Variants in CDH20 observed in about 807,000 individuals in gnomAD.
CDH20 encodes the protein cadherin 20.
Under a neutral mutation model 74.2 loss-of-function variants are expected in CDH20, and 29 were observed. The ratio of observed to expected loss-of-function variants is 0.39; its 90% CI spans 0.29 to 0.53. The LOEUF is 0.53. Among genes scored for constraint, CDH20 ranks in the 20% least tolerant of loss-of-function variants. CDH20 has a pLI of 0.69. For synonymous variants in CDH20, 469 were observed against 405.4 expected (o/e 1.16, Z -1.88); for missense variants, 988 against 1,048.3 (o/e 0.94, Z 0.79).
intron 1 of CDH20, among the ~76,000 whole-genome samples, chr18:61,417,625 G>A (rs933531340): frequency 1.4e-5 from 2 of 140,896 alleles, no homozygotes; most frequent in African/African-American, 2.9e-5. Flanking sequence ...TGGAGATAGG[G>A]AGTAGAATAA....
chr18:61,340,029 C>T (rs1909894964), intron 1 of CDH20, among the ~76,000 whole-genome samples: 1 of 151,984 alleles, frequency 6.6e-6, no homozygotes, highest in African/African-American at 2.4e-5. Context: ...CCCCAACACC[C>T]CAACACTCCA....
At chr18:61,397,266 A>G (rs1231272114) in intron 1 of CDH20, among the ~76,000 whole-genome samples, 1 of 152,016 alleles carries the variant, frequency 6.6e-6, no homozygotes, top group African/African-American at 2.4e-5. Context: ...CAACCTCCCC[A>G]TACTGAAGGA....
chr18:61,363,845 G>A (rs959603212), intron 1 of CDH20, among the ~76,000 whole-genome samples: 4 of 152,122 alleles, frequency 2.6e-5, no homozygotes, highest in South Asian at 4.1e-4. Flanking sequence ...GCCTTCCATG[G>A]TGTGTAACTT....
intron 1 of CDH20, among the ~76,000 whole-genome samples, chr18:61,470,069 C>CA (rs1391629098): frequency 3.3e-5 from 5 of 152,336 alleles, no homozygotes; most frequent in Admixed American, 3.3e-4. Flanking sequence ...AAAAAGAACA[C>CA]AAGCACCAAC....
chr18:61,498,785 T>C (rs1911258781), intron 2 of CDH20, among the ~76,000 whole-genome samples: 1 of 152,248 alleles, frequency 6.6e-6, no homozygotes, highest in South Asian at 2.1e-4. Context: ...TACGGCAATT[T>C]CTTCATTTTA....
At chr18:61,489,880 A>G (rs567158492) in intron 1 of CDH20, among the ~76,000 whole-genome samples, 2 of 152,224 alleles carry the variant, frequency 1.3e-5, no homozygotes, top group East Asian at 3.9e-4. Context: ...ATGAAGTCCA[A>G]GATTTCTAGC....
At chr18:61,479,842 T>A (rs893241312) in intron 1 of CDH20, among the ~76,000 whole-genome samples, 2 of 152,156 alleles carry the variant, frequency 1.3e-5, no homozygotes, top group African/African-American at 4.8e-5. Flanking sequence ...TCCCTGCCAG[T>A]CTCCTTTGTT....
intron 1 of CDH20, among the ~76,000 whole-genome samples, chr18:61,438,718 C>T (rs1908919379): frequency 6.6e-6 from 1 of 152,092 alleles, no homozygotes; most frequent in Non-Finnish European, 1.5e-5. Context: ...GAACTTAAAA[C>T]AGAACTACCA....
intron 6 of CDH20, among the ~76,000 whole-genome samples, chr18:61,524,692 G>A (rs1194066089): frequency 6.6e-6 from 1 of 152,162 alleles, no homozygotes; most frequent in African/African-American, 2.4e-5. Context: ...AGGCCGAGGT[G>A]GGCCTATCAC....
At chr18:61,406,776 T>C (rs1301094440) in intron 1 of CDH20, among the ~76,000 whole-genome samples, 1 of 152,138 alleles carries the variant, frequency 6.6e-6, no homozygotes, top group East Asian at 1.9e-4. Flanking sequence ...CAAGCAACAG[T>C]TTTGCACTTT....
At chr18:61,382,416 C>T (rs1182398697) in intron 1 of CDH20, among the ~76,000 whole-genome samples, 1 of 152,188 alleles carries the variant, frequency 6.6e-6, no homozygotes, top group Non-Finnish European at 1.5e-5. Flanking sequence ...TTTCAGCTTA[C>T]TAGCTGAGGG....
chr18:61,444,030 C>A (rs1320334029), intron 1 of CDH20, among the ~76,000 whole-genome samples: 2 of 152,070 alleles, frequency 1.3e-5, no homozygotes, highest in Admixed American at 6.5e-5. Flanking sequence ...CCTGAATATA[C>A]CCAATACCTG....
intron 1 of CDH20, among the ~76,000 whole-genome samples, chr18:61,365,373 A>G (rs969395362): frequency 2.0e-5 from 3 of 152,172 alleles, no homozygotes; most frequent in Non-Finnish European, 4.4e-5. Flanking sequence ...ATGGTCCCAG[A>G]TGCTATGGGT....
chr18:61,447,474 A>G (rs1376312238), intron 1 of CDH20, among the ~76,000 whole-genome samples: 1 of 152,184 alleles, frequency 6.6e-6, no homozygotes, highest in Non-Finnish European at 1.5e-5. Context: ...AGAAAATACA[A>G]TACACAAAGA....
chr18:61,503,335 CA>C (rs1164130473), intron 5 of CDH20, among the ~76,000 whole-genome samples: 1 of 152,164 alleles, frequency 6.6e-6, no homozygotes, highest in Non-Finnish European at 1.5e-5. Flanking sequence ...CATATTTTTC[CA>C]TTTTCTCCTC....
chr18:61,435,061 T>G (rs955577565), intron 1 of CDH20, among the ~76,000 whole-genome samples: 2 of 152,170 alleles, frequency 1.3e-5, no homozygotes, highest in African/African-American at 4.8e-5. Context: ...GACAACTTTA[T>G]GCGCATTCTC....
At position 61,381,773 on chromosome 18, in the gene CDH20, C is replaced by T. The variant is rs149221249; in HGVS notation, c.-153+47946C>T. ...CAAATATTGTCAGAAGACAGACCCT[C>T]ATTTTCAGATGTCTGAGATTTCTTC... is the stretch of plus-strand genomic sequence containing the variant. On this transcript the variant is annotated intron_variant, in intron 1 of 11. Transcript: ENST00000262717. Among the ~76,000 whole-genome samples the T allele has an allele frequency of 5.1e-3, 776 of 152,332 alleles. 3 individuals are homozygous for T. Among genetic ancestry groups the T allele is most frequent in the Non-Finnish European group, 8.7e-3 (592 of 68,026 alleles).
intron 1 of CDH20, among the ~76,000 whole-genome samples, chr18:61,402,181 G>C (rs756623850): frequency 2.0e-5 from 3 of 152,302 alleles, no homozygotes; most frequent in South Asian, 2.1e-4. Flanking sequence ...CCCAGGTTCT[G>C]TGGAACTGGA....
At chr18:61,397,905 T>C (rs889763858) in intron 1 of CDH20, among the ~76,000 whole-genome samples, 10 of 152,236 alleles carry the variant, frequency 6.6e-5, no homozygotes, top group African/African-American at 1.7e-4. Flanking sequence ...CTTAGTATGA[T>C]GCCTTAATCG....
Sources: gnomAD v4.1 joint callset for allele counts (sites outside exome capture counted in the v4.1 genomes callset) on GRCh38, gnomAD v4.1.1 for gene constraint, MANE v1.5 for transcripts, NCBI Gene and HGNC (gene_info 2026-07-23, HGNC 2026-07-21) for gene names.